RALGPS1: variants seen among roughly 807,000 people sequenced by gnomAD.
The protein encoded by RALGPS1 is ras-specific guanine nucleotide-releasing factor RalGPS1.
A neutral mutation model predicts 78.8 loss-of-function variants in RALGPS1; 19 were observed. The ratio of observed to expected loss-of-function variants is 0.24; its 90% CI spans 0.17 to 0.35. RALGPS1 has a LOEUF of 0.35. Among genes scored for constraint, RALGPS1 ranks in the 10% least tolerant of loss-of-function variants. The probability of loss-of-function intolerance (pLI) is 1.00; values close to 1 mark genes in which losing one functional copy is unlikely to be tolerated. For synonymous variants in RALGPS1, 228 were observed against 256.3 expected, an observed-to-expected ratio of 0.89 and a Z score of 1.06; for missense variants, 454 against 688.3, an observed-to-expected ratio of 0.66 and a Z score of 3.81.
At chr9:127,154,390 C>T (rs1457578081) in intron 8 of RALGPS1, among the ~76,000 whole-genome samples, 1 of 152,238 alleles carries the variant, frequency 6.6e-6, no homozygotes, top group African/African-American at 2.4e-5. Context: ...CCCATGAGGA[C>T]TCACATCCTC....
Position 127,168,649 on chromosome 9 carries a change from A to C in RALGPS1, c.749-30A>C, listed in dbSNP as rs763008580. On this transcript the variant is annotated intron_variant, in intron 9 of 18. Transcript: ENST00000259351. ...GGGGGCCTAAAGATGGGAGAGCCTA[A>C]AGTTTCTGGATGTGGTCCACCTTTT... 1.2e-5 allele frequency: 18 copies of C among 1,517,736 alleles called. No homozygotes were observed. The East Asian group carries it at 4.1e-4, about 34-fold the overall frequency. 94.0% of individuals were successfully genotyped at this position (1,517,736 alleles called of 1,614,324 possible). A position where few individuals can be genotyped will look rare whatever the true frequency, so the allele number is the denominator to read the frequency against.
At chr9:127,041,468 A>G (rs553259847) in intron 5 of RALGPS1, among the ~76,000 whole-genome samples, 1 of 152,340 alleles carries the variant, frequency 6.6e-6, no homozygotes, top group South Asian at 2.1e-4. Context: ...CTCACCAGCA[A>G]TGAATGAGTG....
chr9:127,117,546 A>G (rs989745717), intron 8 of RALGPS1, among the ~76,000 whole-genome samples: 4 of 152,220 alleles, frequency 2.6e-5, no homozygotes, highest in Admixed American at 2.6e-4. Context: ...TTTGTAATGC[A>G]AAGAGATCCA....
intron 11 of RALGPS1, among the ~76,000 whole-genome samples, chr9:127,189,012 A>C (rs1010906905): frequency 8.7e-5 from 13 of 149,248 alleles, no homozygotes; most frequent in African/African-American, 2.9e-4. Context: ...AAAAAAAAAA[A>C]AAAAAAAAAA....
In RALGPS1 at chr9:127,183,979, G is replaced by A. The variant is rs772738016; in HGVS notation, c.910+9197G>A. 9.0e-6 allele frequency: 14 copies of A among 1,550,000 alleles called. No homozygotes were observed. Among genetic ancestry groups the A allele is most frequent in the South Asian group, 8.3e-5 (7 of 84,044 alleles). Reference sequence around the variant, plus strand: ...GGCCCAGCTCCTCACGAGTACCAGCGGCTCCCCCAGCATCTGCTGCTCCGC... The same window carrying A: ...GGCCCAGCTCCTCACGAGTACCAGCAGCTCCCCCAGCATCTGCTGCTCCGC... On this transcript the variant is annotated intron_variant, in intron 11 of 18. Coordinates refer to ENST00000259351, the MANE Select transcript of RALGPS1 (RefSeq NM_014636.3). The surrounding 1 kb of genome is among the most constrained non-coding windows in gnomAD (Gnocchi z 4.0).
rs116963630 is a variant in RALGPS1, at chr9:126,963,900, G to A, written c.57+1554G>A. On this transcript the variant is annotated intron_variant, in intron 2 of 18. Transcript: ENST00000259351. ...GAAGGTGGGTATAGAAGTATAGAAC[G>A]GTTTGTACAGAATTGTCTGCTCAGG... Among the ~76,000 whole-genome samples, 1,286 of 152,272 alleles carry A rather than the reference G, an allele frequency of 8.4e-3. 9 individuals carry two copies. Among genetic ancestry groups the A allele is most frequent in the Non-Finnish European group, 0.013 (892 of 68,010 alleles).
intron 1 of RALGPS1, among the ~76,000 whole-genome samples, chr9:126,925,170 A>G (rs973628548): frequency 6.6e-6 from 1 of 152,030 alleles, no homozygotes; most frequent in African/African-American, 2.4e-5. Context: ...AAAAATAAAA[A>G]TACAGATCTG....
At chr9:127,050,817 G>C (rs969679703) in intron 6 of RALGPS1, among the ~76,000 whole-genome samples, 1 of 152,166 alleles carries the variant, frequency 6.6e-6, no homozygotes, top group Non-Finnish European at 1.5e-5. Flanking sequence ...GCAGCATCGT[G>C]CTGGCTGTTT....
chr9:127,178,873 T>C (rs1400448821), intron 11 of RALGPS1, among the ~76,000 whole-genome samples: 1 of 152,222 alleles, frequency 6.6e-6, no homozygotes, highest in Non-Finnish European at 1.5e-5. Context: ...TCCGTGGCAC[T>C]TCCTTCTGCA....
chr9:127,090,723 C>G (rs1237227894), intron 8 of RALGPS1, among the ~76,000 whole-genome samples: 2 of 152,190 alleles, frequency 1.3e-5, no homozygotes, highest in Non-Finnish European at 2.9e-5. Context: ...CAGGAGGGGA[C>G]TGGGTTTGCC....
intron 8 of RALGPS1, among the ~76,000 whole-genome samples, chr9:127,138,701 A>G (rs939418076): frequency 2.0e-5 from 3 of 152,176 alleles, no homozygotes; most frequent in Admixed American, 6.5e-5. Flanking sequence ...CACCCTGGGT[A>G]GTTGTGTGAC....
chr9:126,966,605 A>G (rs191833972), intron 3 of RALGPS1, among the ~76,000 whole-genome samples: 19 of 151,704 alleles, frequency 1.3e-4, no homozygotes, highest in African/African-American at 4.6e-4. Flanking sequence ...TTTTGTTTAC[A>G]TATTCATAAA....
chr9:127,174,644 T>C lies in RALGPS1; in HGVS notation c.843-71T>C. The C allele has an allele frequency of 2.1e-6, 3 of 1,402,640 alleles. No individual in the cohort carries two copies. In the Admixed American group the frequency reaches 5.0e-5, roughly 24 times the overall value. 86.9% of individuals were successfully genotyped at this position (1,402,640 alleles called of 1,614,324 possible). A position where few individuals can be genotyped will look rare whatever the true frequency, so the allele number is the denominator to read the frequency against. On this transcript the variant is annotated intron_variant, in intron 10 of 18. Transcript: ENST00000259351. Reference sequence around the variant, plus strand: ...TGGCTTCTGTGACTATAGTAGCTTTTCCCAGCCCCAAACAGGTTCCTGTGT... The same window carrying C: ...TGGCTTCTGTGACTATAGTAGCTTTCCCCAGCCCCAAACAGGTTCCTGTGT...
chr9:127,153,420 C>T (rs1275733578), intron 8 of RALGPS1, among the ~76,000 whole-genome samples: 1 of 122,608 alleles, frequency 8.2e-6, no homozygotes, highest in Non-Finnish European at 1.6e-5. Flanking sequence ...TGCCCTTAAT[C>T]GTTTGTGTAA....
intron 7 of RALGPS1, among the ~76,000 whole-genome samples, chr9:127,063,747 A>G (rs188396960): frequency 1.3e-5 from 2 of 152,188 alleles, no homozygotes; most frequent in African/African-American, 4.8e-5. Flanking sequence ...TTTCCTCCTA[A>G]TGTGCTTTTG....
intron 1 of RALGPS1, among the ~76,000 whole-genome samples, chr9:126,938,995 T>C (rs980444475): frequency 6.6e-6 from 1 of 152,224 alleles, no homozygotes; most frequent in African/African-American, 2.4e-5. Flanking sequence ...AATGACCTTC[T>C]GGGACCTGAT....
chr9:127,174,126 G>A (rs1412026856), intron 10 of RALGPS1, among the ~76,000 whole-genome samples: 8 of 151,762 alleles, frequency 5.3e-5, no homozygotes, highest in Non-Finnish European at 1.2e-4. Flanking sequence ...TGGGGTTGGG[G>A]ACGCATGCCT....
intron 5 of RALGPS1, among the ~76,000 whole-genome samples, chr9:127,041,026 A>G (rs1248764898): frequency 2.2e-5 from 1 of 45,602 alleles, no homozygotes; most frequent in Non-Finnish European, 6.3e-5. Flanking sequence ...AGCTGCTACA[A>G]ACATTTGTGT....
intron 4 of RALGPS1, chr9:126,989,881 T>C (rs1425609118): frequency 1.3e-6 from 2 of 1,550,210 alleles, no homozygotes; most frequent in East Asian, 4.9e-5. Flanking sequence ...TGGGTCCTTT[T>C]CTGGTTTGCA....
Sources: allele counts gnomAD v4.1 joint callset (sites outside exome capture counted in the v4.1 genomes callset), GRCh38; gene constraint gnomAD v4.1.1; non-coding constraint Gnocchi (gnomAD v3.1); transcripts MANE v1.5; gene names NCBI Gene and HGNC (gene_info 2026-07-23, HGNC 2026-07-21).